The following POLR1C variants were observed in gnomAD, a reference collection of about 807,000 sequenced individuals.
POLR1C encodes DNA-directed RNA polymerases I and III subunit RPAC1.
Under a neutral mutation model 38.3 loss-of-function variants are expected in POLR1C, and 42 were observed. The observed-to-expected ratio is 1.10, with a 90% CI of 0.86 to 1.42. The LOEUF (loss-of-function observed/expected upper bound fraction) is 1.42. POLR1C is among the 40% of genes most tolerant of loss of function. The probability of loss-of-function intolerance (pLI) is 0.00; values close to 1 mark genes in which losing one functional copy is unlikely to be tolerated. For synonymous variants in POLR1C, 163 were observed against 163.9 expected, an observed-to-expected ratio of 0.99 and a Z score of 0.04; for missense variants, 507 against 450.5, an observed-to-expected ratio of 1.13 and a Z score of -1.14.
chr6:43,518,383 TGTG>T (rs1473410443), intron 2 of POLR1C, among the ~76,000 whole-genome samples: 1 of 152,130 alleles, frequency 6.6e-6, no homozygotes, highest in Non-Finnish European at 1.5e-5. Flanking sequence ...TTTGATGCAT[TGTG>T]GTATCATTTA....
intron 8 of POLR1C, chr6:43,529,114 A>G: frequency 1.8e-6 from 2 of 1,132,902 alleles, no homozygotes; most frequent in East Asian, 4.8e-5. Context: ...ATTGAATTCC[A>G]TTATACTCTT....
At chr6:43,533,886 A>G, downstream of POLR1C, 1 of 1,556,564 alleles carries the variant, frequency 6.4e-7, no homozygotes, top group African/African-American at 1.4e-5. Flanking sequence ...ACCTTAGGAG[A>G]AAAAAGGTTA....
downstream of POLR1C, chr6:43,521,620 C>T: frequency 2.3e-6 from 1 of 439,130 alleles, no homozygotes; most frequent in Non-Finnish European, 3.8e-6. Flanking sequence ...CTCCTGGGTT[C>T]AAGCAATTCT....
At chr6:43,547,788 CATT>C in intron 9 of POLR1C, 4 of 1,254,820 alleles carry the variant, frequency 3.2e-6, no homozygotes. Context: ...AACAGGCTAT[CATT>C]ATTTGGCCCT....
chr6:43,545,608 G>A (rs1389978245), intron 9 of POLR1C, among the ~76,000 whole-genome samples: 2 of 152,114 alleles, frequency 1.3e-5, no homozygotes, highest in Non-Finnish European at 2.9e-5. Context: ...TTGGGTGGCT[G>A]AGGCAGAAGA....
chr6:43,547,411 A>T, intron 9 of POLR1C: 3 of 670,506 alleles, frequency 4.5e-6, no homozygotes, highest in African/African-American at 1.8e-5. Flanking sequence ...TTCATAGAAA[A>T]GACCATCTGC....
rs1305533463 is a variant in POLR1C at position 43,540,256 on chromosome 6, G to A, written c.*5-10712G>A. 2.6e-5 allele frequency among the ~76,000 whole-genome samples: 4 copies of A among 152,272 alleles called. No homozygotes were observed. In the East Asian group the frequency reaches 7.7e-4, roughly 29 times the overall value. ...GATACAAAATTAGCCAGGCCGGGCG[G>A]ATCACGAGGTCAGGAGATCAAGATC... On this transcript the variant is annotated intron_variant, in intron 9 of 10. Coordinates refer to the POLR1C transcript ENST00000607635.
intron 9 of POLR1C, among the ~76,000 whole-genome samples, chr6:43,540,250 C>T (rs1050579461): frequency 2.0e-5 from 3 of 152,122 alleles, no homozygotes; most frequent in South Asian, 2.1e-4. Context: ...TTAGCCAGGC[C>T]GGGCGGATCA....
downstream of POLR1C, chr6:43,530,643 A>C (rs115112548): frequency 5.6e-6 from 9 of 1,601,282 alleles, no homozygotes; most frequent in Non-Finnish European, 7.7e-6. Context: ...TTCTCTCTCT[A>C]ATTTTCTGAC....
At chr6:43,524,062 T>A, downstream of POLR1C, 1 of 1,585,572 alleles carries the variant, frequency 6.3e-7, no homozygotes, top group Non-Finnish European at 8.5e-7. Flanking sequence ...AGTTAAAAGA[T>A]TCTCTTGGCC....
intron 10 of POLR1C, chr6:43,555,837 A>G (rs779575146): frequency 6.2e-7 from 1 of 1,613,722 alleles, no homozygotes; most frequent in Non-Finnish European, 8.5e-7. Flanking sequence ...AAAACTTACA[A>G]TTCACAGAAC....
downstream of POLR1C, among the ~76,000 whole-genome samples, chr6:43,530,202 A>G (rs1477510204): frequency 6.6e-6 from 1 of 152,198 alleles, no homozygotes; most frequent in African/African-American, 2.4e-5. Context: ...AGTTGCAGTA[A>G]GACAAGATCA....
At chr6:43,523,852 T>C, downstream of POLR1C, 1 of 1,613,992 alleles carries the variant, frequency 6.2e-7, no homozygotes, top group Non-Finnish European at 8.5e-7. Flanking sequence ...CGAGGAAGGA[T>C]GCCCAAAAGC....
chr6:43,518,938 C>T (rs1792991809), intron 2 of POLR1C, among the ~76,000 whole-genome samples: 1 of 152,160 alleles, frequency 6.6e-6, no homozygotes, highest in African/African-American at 2.4e-5. Context: ...TCTCAGCCTC[C>T]CAGAGTGCTG....
chr6:43,544,575 T>C (rs368276363), intron 9 of POLR1C, among the ~76,000 whole-genome samples: 5 of 152,222 alleles, frequency 3.3e-5, no homozygotes, highest in African/African-American at 9.6e-5. Flanking sequence ...TCTTGCCCTA[T>C]GATTTCCATC....
intron 9 of POLR1C, chr6:43,538,782 T>C (rs567996618): frequency 1.1e-4 from 76 of 710,448 alleles, no homozygotes; most frequent in African/African-American, 3.0e-4. Flanking sequence ...TTTTTTTTTT[T>C]CCCACGCTTA....
rs146405318 is a variant in POLR1C at position 43,552,478 on chromosome 6, A to G, written c.*48+1467A>G. The stretch of plus-strand genomic sequence containing the variant: ...AGCGATTCCTGTACCTCAGCCTCCC[A>G]AGTAGCTGGGATTACAGACATGCAC... On this transcript the variant is annotated intron_variant, in intron 10 of 10. Coordinates refer to the POLR1C transcript ENST00000607635. Among the ~76,000 whole-genome samples, 509 of 151,696 alleles carry G rather than the reference A, an allele frequency of 3.4e-3. 10 individuals carry two copies. The highest frequency in any genetic ancestry group is 0.025 in the Admixed American group (380 of 15,242).
At chr6:43,524,165 G>A (rs550849029), downstream of POLR1C, among the ~76,000 whole-genome samples, 1 of 152,054 alleles carries the variant, frequency 6.6e-6, no homozygotes, top group Non-Finnish European at 1.5e-5. Context: ...CAGCCTGACC[G>A]ACATGGAGAA....
intron 10 of POLR1C, among the ~76,000 whole-genome samples, chr6:43,552,447 G>T (rs1425432384): frequency 1.3e-5 from 2 of 152,162 alleles, no homozygotes; most frequent in Admixed American, 6.5e-5. Flanking sequence ...CTGCCTCCTG[G>T]GTTCAAGCGA....
Sources: gnomAD v4.1 joint callset for allele counts (sites outside exome capture counted in the v4.1 genomes callset) on GRCh38, gnomAD v4.1.1 for gene constraint, MANE v1.5 for transcripts, NCBI Gene and HGNC (gene_info 2026-07-23, HGNC 2026-07-21) for gene names.